The following SCEL variants were observed in gnomAD, a reference collection of about 807,000 sequenced individuals.
SCEL encodes the protein sciellin.
In SCEL, 113 loss-of-function variants were observed where a neutral mutation model predicts 117.6. The observed-to-expected ratio is 0.96, with a 90% CI of 0.83 to 1.12. SCEL has a LOEUF of 1.12. SCEL is among the 50% of genes most tolerant of loss of function. The pLI is 0.00. For synonymous variants in SCEL, 270 were observed against 256.2 expected (o/e 1.05, Z -0.51); for missense variants, 785 against 810.8 (o/e 0.97, Z 0.39).
intron 27 of SCEL, among the ~76,000 whole-genome samples, chr13:77,619,731 TG>T: frequency 6.6e-6 from 1 of 152,288 alleles, no homozygotes; most frequent in African/African-American, 2.4e-5. Context: ...TGGCATTTGT[TG>T]GGTGGATTTT....
intron 30 of SCEL, among the ~76,000 whole-genome samples, chr13:77,638,185 C>A (rs1375703228): frequency 6.6e-6 from 1 of 152,100 alleles, no homozygotes; most frequent in Non-Finnish European, 1.5e-5. Flanking sequence ...AAAACATGAA[C>A]CTATGTTCCA....
intron 6 of SCEL, 62 bp downstream of exon 6, chr13:77,567,810 T>C (rs2085373558): frequency 3.9e-6 from 4 of 1,038,542 alleles, no homozygotes; most frequent in Non-Finnish European, 5.8e-6. Flanking sequence ...GTGTTACCTA[T>C]GTACTTGCAA....
chr13:77,608,166 G>A (rs778644839), intron 20 of SCEL, 51 bp downstream of exon 20: 4 of 1,417,924 alleles, frequency 2.8e-6, no homozygotes, highest in Non-Finnish European at 3.9e-6. Flanking sequence ...TCCATTTGTG[G>A]CACTCAGGAA....
chr13:77,559,963 G>A, intron 4 of SCEL, 100 bp downstream of exon 4: 2 of 997,672 alleles, frequency 2.0e-6, no homozygotes, highest in South Asian at 1.4e-5. Context: ...GCATGCCTTG[G>A]GCTTTCCCCG....
chr13:77,588,812 A>G (rs953285570), intron 9 of SCEL, among the ~76,000 whole-genome samples: 4 of 152,176 alleles, frequency 2.6e-5, no homozygotes, highest in Admixed American at 2.6e-4. Flanking sequence ...TACAGTTCTC[A>G]TGCACTGCTG....
intron 27 of SCEL, among the ~76,000 whole-genome samples, chr13:77,622,600 A>G (rs1328285516): frequency 6.6e-6 from 1 of 152,192 alleles, no homozygotes; most frequent in Non-Finnish European, 1.5e-5. Flanking sequence ...TAGGCCAGGT[A>G]CCTGTAATTC....
chr13:77,584,706 A>G (rs566140198), intron 9 of SCEL, among the ~76,000 whole-genome samples: 1 of 152,202 alleles, frequency 6.6e-6, no homozygotes, highest in South Asian at 2.1e-4. Context: ...TCAGACATCT[A>G]GTGTTCTGTA....
chr13:77,621,058 C>G (rs558527790), intron 27 of SCEL, among the ~76,000 whole-genome samples: 1 of 152,268 alleles, frequency 6.6e-6, no homozygotes, highest in East Asian at 1.9e-4. Flanking sequence ...TGGTCCAAGA[C>G]AGTTCATCAT....
chr13:77,600,550 A>G (rs2087599169), intron 15 of SCEL, among the ~76,000 whole-genome samples: 1 of 152,170 alleles, frequency 6.6e-6, no homozygotes, highest in Non-Finnish European at 1.5e-5. Flanking sequence ...CTATGCTTTT[A>G]TTTATTTTAA....
rs1291142986 is a variant in SCEL at position 77,582,858 on chromosome 13, C to G, written c.546-6286C>G. Among the ~76,000 whole-genome samples the G allele has an allele frequency of 2.0e-5, 3 of 152,242 alleles. No homozygotes were observed. The East Asian group carries it at 5.8e-4, about 29-fold the overall frequency. ...TAAAAGTTTGTAGTTTTATGTTTGACATATAGATGTGTGATCCATTTTGAG... is the reference window on the plus strand; with the variant it reads ...TAAAAGTTTGTAGTTTTATGTTTGAGATATAGATGTGTGATCCATTTTGAG... On this transcript the variant is annotated intron_variant, in intron 9 of 32. Transcript: ENST00000349847.
At chr13:77,617,942 A>G in intron 26 of SCEL, 62 bp from the exon 27 acceptor site, 1 of 1,581,064 alleles carries the variant, frequency 6.3e-7, no homozygotes, top group African/African-American at 1.3e-5. Context: ...TGCTTTATTG[A>G]CCTAGCACAA....
chr13:77,567,757 A>G lies in SCEL; in HGVS notation c.359+9A>G, dbSNP rs1191216045. The G allele has an allele frequency of 6.5e-7, 1 of 1,549,556 alleles. No homozygotes were observed. Among genetic ancestry groups the G allele is most frequent in the Non-Finnish European group, 8.8e-7 (1 of 1,131,436 alleles). ...AACCAACTAACCAATAGGTACCAGT[A>G]TCTACTAACTATGGGAAAGGCTCAA... On this transcript the variant is annotated intron_variant, in intron 6 of 32. Coordinates refer to ENST00000349847, the MANE Select transcript of SCEL (RefSeq NM_144777.3).
In SCEL at chr13:77,538,846, G is replaced by A. The variant is rs566340626; in HGVS notation, c.-20+3022G>A. Among the ~76,000 whole-genome samples the A allele has an allele frequency of 1.2e-4, 18 of 152,290 alleles. No individual in the cohort carries two copies. In the Middle Eastern group the frequency reaches 0.01, roughly 86 times the overall value. ...CTTCATATGAAGCCTCCTGGGGAAA[G>A]ACAGTGAACTATAAGCCATATTTTC... On this transcript the variant is annotated intron_variant, in intron 1 of 32. Coordinates refer to ENST00000349847, the MANE Select transcript of SCEL (RefSeq NM_144777.3).
At position 77,599,714 on chromosome 13, in the gene SCEL, T is replaced by C; in HGVS notation, c.883T>C (p.Tyr295His). The C allele has an allele frequency of 1.2e-6, 2 of 1,612,470 alleles. No homozygotes were observed. Among genetic ancestry groups the C allele is most frequent in the Non-Finnish European group, 8.5e-7 (1 of 1,178,432 alleles). ...AGCCAAAAGCCTTGAAAGTCTCATCTATATGAGTACCCGGACAGATAAAGA... is the reference window on the plus strand; with the variant it reads ...AGCCAAAAGCCTTGAAAGTCTCATCCATATGAGTACCCGGACAGATAAAGA... ...KRAKSLESLI[Y>H]MSTRTDKDGK... Residue 295 changes from tyrosine to histidine, a missense_variant, in exon 15 of 33, where the codon TAT (tyrosine) becomes CAT (histidine). Transcript: ENST00000349847.
intron 1 of SCEL, among the ~76,000 whole-genome samples, chr13:77,536,464 C>G (rs1044208265): frequency 1.8e-4 from 27 of 152,170 alleles, no homozygotes; most frequent in African/African-American, 6.3e-4. Flanking sequence ...TCACAGGGAT[C>G]TGTGGGCATC....
chr13:77,604,114 A>G (rs1357915558), intron 18 of SCEL, among the ~76,000 whole-genome samples: 6 of 152,288 alleles, frequency 3.9e-5, no homozygotes, highest in African/African-American at 1.4e-4. Context: ...CAAGTTTCAT[A>G]TATACTTAGG....
chr13:77,641,856 A>G (rs1222847573), intron 31 of SCEL, among the ~76,000 whole-genome samples: 4 of 152,182 alleles, frequency 2.6e-5, no homozygotes, highest in African/African-American at 4.8e-5. Context: ...TTTGAGCAAA[A>G]CATTCCAATT....
intron 13 of SCEL, among the ~76,000 whole-genome samples, chr13:77,598,569 T>A (rs181576808): frequency 6.6e-6 from 1 of 152,218 alleles, no homozygotes; most frequent in African/African-American, 2.4e-5. Flanking sequence ...AAATGCCCTG[T>A]CTGAGCACAC....
At chr13:77,642,267 A>C (rs1250748139) in intron 31 of SCEL, among the ~76,000 whole-genome samples, 2 of 152,188 alleles carry the variant, frequency 1.3e-5, no homozygotes, top group Admixed American at 1.3e-4. Context: ...TGCTTCTGAA[A>C]GCCAACCAAT....
Sources: gnomAD v4.1 joint callset for allele counts (sites outside exome capture counted in the v4.1 genomes callset) on GRCh38, gnomAD v4.1.1 for gene constraint, MANE v1.5 for transcripts, NCBI Gene and HGNC (gene_info 2026-07-23, HGNC 2026-07-21) for gene names.